ADGRL3: variants seen among roughly 807,000 people sequenced by gnomAD.
ADGRL3 encodes the protein calcium-independent alpha-latrotoxin receptor 3.
ADGRL3 carries 62 observed loss-of-function variants against 153.5 expected under a neutral mutation model. The ratio of observed to expected loss-of-function variants is 0.40; its 90% CI spans 0.33 to 0.50. ADGRL3 has a LOEUF of 0.50. Ranked by LOEUF, ADGRL3 falls within the 20% of genes least tolerant of loss-of-function variation. The probability of loss-of-function intolerance (pLI) is 0.47; values close to 1 mark genes in which losing one functional copy is unlikely to be tolerated. For missense variants in ADGRL3, 1,641 were observed against 1,859.4 expected (o/e 0.88, Z 2.16); for synonymous variants, 710 against 672.5 (o/e 1.06, Z -0.86).
chr4:62,015,992 TTTAAAA>T (rs2099209426), intron 21 of ADGRL3, among the ~76,000 whole-genome samples: 1 of 152,010 alleles, frequency 6.6e-6, no homozygotes, highest in Non-Finnish European at 1.5e-5. Flanking sequence ...AAACTAAGAA[TTTAAAA>T]TTTTATTTTT....
At chr4:62,049,877 G>A (rs1388952389) in intron 25 of ADGRL3, among the ~76,000 whole-genome samples, 1 of 152,104 alleles carries the variant, frequency 6.6e-6, no homozygotes, top group East Asian at 1.9e-4. Flanking sequence ...TGTCACTTCA[G>A]AAGGTCCTTG....
intron 9 of ADGRL3, among the ~76,000 whole-genome samples, chr4:61,817,632 A>C (rs946004120): frequency 1.3e-5 from 2 of 151,826 alleles, no homozygotes; most frequent in East Asian, 3.9e-4. Context: ...GTTTGTTCTC[A>C]CTCTGCCAAT....
intron 23 of ADGRL3, among the ~76,000 whole-genome samples, chr4:62,033,498 G>T (rs79496897): frequency 6.6e-6 from 1 of 151,680 alleles, no homozygotes; most frequent in African/African-American, 2.4e-5. Context: ...AGGAGAAAAT[G>T]TCAAGAAGAA....
chr4:61,502,691 C>T (rs2098399942), intron 3 of ADGRL3, among the ~76,000 whole-genome samples: 1 of 151,992 alleles, frequency 6.6e-6, no homozygotes, highest in African/African-American at 2.4e-5. Context: ...AATTAAAATA[C>T]TAATGTCAAT....
chr4:61,995,126 A>C (rs2151024665), intron 19 of ADGRL3, among the ~76,000 whole-genome samples: 1 of 151,338 alleles, frequency 6.6e-6, no homozygotes, highest in Admixed American at 6.6e-5. Flanking sequence ...CTGGTCTCAA[A>C]CTGCTGGGCT....
In ADGRL3 at chr4:61,979,746, A is replaced by T. The variant is rs746159334; in HGVS notation, c.2989A>T (p.Ile997Phe). ...SLFVAELLFL[I>F]GINRTDQPIA... is the part of the protein sequence containing the mutation. The stretch of plus-strand genomic sequence containing the variant: ...CTTTGTAGCAGAGCTGCTCTTCCTG[A>T]TTGGGATCAACCGAACTGACCAACC... The change falls in exon 18 of 27, where the codon ATT (isoleucine) becomes TTT (phenylalanine). Residue 997 changes from isoleucine (I) to phenylalanine (F), a missense_variant. Physicochemically the swap from Ile to Phe is conservative, Grantham distance 21. Around this residue, in one of 5 missense-constraint regions of ADGRL3, gnomAD observed 734 missense variants for 797.0 expected, o/e 0.92. Coordinates refer to ENST00000683033, the MANE Select transcript of ADGRL3 (RefSeq NM_001387552.1). The T allele has an allele frequency of 1.2e-6, 2 of 1,613,904 alleles. No individual in the cohort carries two copies.
intron 5 of ADGRL3, among the ~76,000 whole-genome samples, chr4:61,605,516 A>G (rs2099029129): frequency 6.6e-6 from 1 of 152,172 alleles, no homozygotes; most frequent in Non-Finnish European, 1.5e-5. Context: ...AGTCAGAATA[A>G]GTGCAAGAAT....
intron 19 of ADGRL3, among the ~76,000 whole-genome samples, chr4:61,990,046 T>TA (rs1021869545): frequency 6.6e-6 from 1 of 151,952 alleles, no homozygotes; most frequent in African/African-American, 2.4e-5. Flanking sequence ...TAAGCATTTA[T>TA]AAAAAATAAA....
chr4:61,235,800 C>A (rs1168304711), intron 1 of ADGRL3, among the ~76,000 whole-genome samples: 1 of 152,100 alleles, frequency 6.6e-6, no homozygotes, highest in Non-Finnish European at 1.5e-5. Context: ...TTTGACTTCT[C>A]TGAAGCCAGC....
intron 5 of ADGRL3, among the ~76,000 whole-genome samples, chr4:61,632,443 C>G (rs1424802687): frequency 6.6e-6 from 1 of 152,046 alleles, no homozygotes; most frequent in Non-Finnish European, 1.5e-5. Flanking sequence ...AGGAATTGCC[C>G]TCTTTCTTGC....
At chr4:61,311,474 G>A (rs1214286019) in intron 1 of ADGRL3, among the ~76,000 whole-genome samples, 1 of 152,184 alleles carries the variant, frequency 6.6e-6, no homozygotes, top group Non-Finnish European at 1.5e-5. Flanking sequence ...TATTCAGGAA[G>A]AAGAAACAAT....
At chr4:61,562,552 T>C (rs1364248434) in intron 4 of ADGRL3, among the ~76,000 whole-genome samples, 1 of 152,142 alleles carries the variant, frequency 6.6e-6, no homozygotes, top group Non-Finnish European at 1.5e-5. Flanking sequence ...GCTCCCAGAA[T>C]GTTCACCCGG....
chr4:61,331,111 G>A (rs1468058279), intron 1 of ADGRL3, among the ~76,000 whole-genome samples: 1 of 152,190 alleles, frequency 6.6e-6, no homozygotes, highest in Non-Finnish European at 1.5e-5. Context: ...AGGGACTGTG[G>A]AGATAGTATG....
At chr4:61,208,200 G>A (rs1445993895) in intron 1 of ADGRL3, among the ~76,000 whole-genome samples, 2 of 152,076 alleles carry the variant, frequency 1.3e-5, no homozygotes. Flanking sequence ...ATCTAGAAAG[G>A]CAGAGTGGTG....
chr4:61,450,836 T>C (rs1433907151), intron 2 of ADGRL3, among the ~76,000 whole-genome samples: 5 of 151,980 alleles, frequency 3.3e-5, no homozygotes, highest in Admixed American at 6.6e-5. Context: ...TTCTAAAAAT[T>C]TGAAAAAATA....
At chr4:61,674,767 A>G (rs1226486639) in intron 5 of ADGRL3, among the ~76,000 whole-genome samples, 3 of 151,964 alleles carry the variant, frequency 2.0e-5, no homozygotes, top group Non-Finnish European at 4.4e-5. Flanking sequence ...TGAAAATTAT[A>G]TTGTTTTAAT....
At chr4:61,975,699 A>G (rs1461659830) in intron 17 of ADGRL3, among the ~76,000 whole-genome samples, 1 of 152,184 alleles carries the variant, frequency 6.6e-6, no homozygotes, top group Admixed American at 6.6e-5. Context: ...GATGGCTCCA[A>G]TCAAGTTGGT....
chr4:61,623,850 G>T (rs773731232), intron 5 of ADGRL3, among the ~76,000 whole-genome samples: 1 of 152,038 alleles, frequency 6.6e-6, no homozygotes, highest in African/African-American at 2.4e-5. Flanking sequence ...GGTGGTGGTG[G>T]GTGTCATGTG....
At chr4:61,891,320 C>G (rs371440882) in intron 9 of ADGRL3, among the ~76,000 whole-genome samples, 6 of 152,098 alleles carry the variant, frequency 3.9e-5, no homozygotes, top group African/African-American at 1.4e-4. Flanking sequence ...ACTCTGCCTT[C>G]TTGTATGAAA....
Sources: allele counts gnomAD v4.1 joint callset (sites outside exome capture counted in the v4.1 genomes callset), GRCh38; gene constraint gnomAD v4.1.1; regional missense constraint gnomAD v4.1.1; transcripts MANE v1.5; gene names NCBI Gene and HGNC (gene_info 2026-07-23, HGNC 2026-07-21).